TMEM117: variants seen among roughly 807,000 people sequenced by gnomAD.
TMEM117 encodes transmembrane protein 117.
In TMEM117, 27 loss-of-function variants were observed where a neutral mutation model predicts 52.4. The ratio of observed to expected loss-of-function variants is 0.51; its 90% CI spans 0.38 to 0.71. TMEM117 has a LOEUF of 0.71. Ranked by LOEUF, TMEM117 falls within the 30% of genes least tolerant of loss-of-function variation. The pLI is 0.00. For synonymous variants in TMEM117, 215 were observed against 206.3 expected (o/e 1.04, Z -0.36); for missense variants, 556 against 630.5 (o/e 0.88, Z 1.26).
the TMEM117 span, among the ~76,000 whole-genome samples, chr12:43,806,992 A>G: frequency 1.3e-5 from 2 of 152,238 alleles, no homozygotes; most frequent in African/African-American, 4.8e-5. Context: ...TTTATTATTT[A>G]ATCCAGTAAT....
intron 5 of TMEM117, among the ~76,000 whole-genome samples, chr12:44,239,366 C>G (rs1182926632): frequency 6.6e-6 from 1 of 152,136 alleles, no homozygotes; most frequent in Non-Finnish European, 1.5e-5. Context: ...CAAGCTACAA[C>G]TGTACCTGTG....
At chr12:43,954,714 C>G (rs1456422104) in intron 3 of TMEM117, among the ~76,000 whole-genome samples, 2 of 152,172 alleles carry the variant, frequency 1.3e-5, no homozygotes, top group Admixed American at 6.5e-5. Context: ...CAAAGAGGAG[C>G]TGGTACCATT....
intron 6 of TMEM117, among the ~76,000 whole-genome samples, chr12:44,338,088 G>A (rs1193088512): frequency 6.6e-6 from 1 of 151,568 alleles, no homozygotes; most frequent in African/African-American, 2.4e-5. Context: ...TATTTTTAAA[G>A]GTTCATTAAA....
chr12:44,259,302 A>G (rs996929385), intron 5 of TMEM117, among the ~76,000 whole-genome samples: 11 of 152,136 alleles, frequency 7.2e-5, no homozygotes, highest in African/African-American at 2.7e-4. Flanking sequence ...ATACTCTATG[A>G]TGTGGTTATT....
the TMEM117 span, among the ~76,000 whole-genome samples, chr12:43,822,937 A>G: frequency 6.6e-6 from 1 of 152,120 alleles, no homozygotes; most frequent in African/African-American, 2.4e-5. Context: ...TGAAATTTGA[A>G]AACCTTTTTC....
intron 6 of TMEM117, among the ~76,000 whole-genome samples, chr12:44,372,326 T>C (rs1287986154): frequency 6.6e-6 from 1 of 152,172 alleles, no homozygotes; most frequent in East Asian, 1.9e-4. Context: ...GTTCAAAATA[T>C]ATATTTTACA....
At chr12:44,186,394 T>G (rs1949278800) in intron 4 of TMEM117, among the ~76,000 whole-genome samples, 1 of 152,174 alleles carries the variant, frequency 6.6e-6, no homozygotes, top group Non-Finnish European at 1.5e-5. Context: ...ATTCTACAAC[T>G]TGTTTGTTTA....
intron 5 of TMEM117, among the ~76,000 whole-genome samples, chr12:44,255,656 G>A (rs141153116): frequency 6.6e-5 from 10 of 152,020 alleles, no homozygotes; most frequent in Non-Finnish European, 1.2e-4. Context: ...GACATGGTAG[G>A]ATCACAATTT....
chr12:44,098,992 G>A (rs758632111), intron 3 of TMEM117, among the ~76,000 whole-genome samples: 2 of 152,044 alleles, frequency 1.3e-5, no homozygotes, highest in Admixed American at 6.6e-5. Flanking sequence ...TCTTTCAACT[G>A]TTCAGGGGAT....
intron 2 of TMEM117, among the ~76,000 whole-genome samples, chr12:43,857,875 G>A (rs2137389759): frequency 6.6e-6 from 1 of 152,304 alleles, no homozygotes; most frequent in African/African-American, 2.4e-5. Flanking sequence ...AGAGATCTGT[G>A]CCCAAAGGAT....
At chr12:43,879,608 G>T (rs1943860936) in intron 2 of TMEM117, among the ~76,000 whole-genome samples, 1 of 152,196 alleles carries the variant, frequency 6.6e-6, no homozygotes, top group South Asian at 2.1e-4. Flanking sequence ...TCCATAGTTT[G>T]ATTCTAAACC....
At chr12:43,860,997 C>T (rs1312027915) in intron 2 of TMEM117, among the ~76,000 whole-genome samples, 2 of 152,046 alleles carry the variant, frequency 1.3e-5, no homozygotes, top group Non-Finnish European at 2.9e-5. Context: ...ATGGGGCTGT[C>T]CACCTCACCT....
chr12:44,291,495 T>A (rs1476465580), intron 5 of TMEM117, among the ~76,000 whole-genome samples: 1 of 151,944 alleles, frequency 6.6e-6, no homozygotes, highest in Non-Finnish European at 1.5e-5. Flanking sequence ...TATTTCATTT[T>A]CTTGCCTAAT....
chr12:44,230,595 G>T (rs1949919684), intron 5 of TMEM117, among the ~76,000 whole-genome samples: 1 of 151,870 alleles, frequency 6.6e-6, no homozygotes, highest in Non-Finnish European at 1.5e-5. Flanking sequence ...CTTAGTAAAG[G>T]CTCTTCTGTT....
At chr12:44,377,122 C>A (rs1249760270) in intron 7 of TMEM117, among the ~76,000 whole-genome samples, 2 of 152,150 alleles carry the variant, frequency 1.3e-5, no homozygotes, top group African/African-American at 4.8e-5. Flanking sequence ...CTTAGCTGAG[C>A]AGCCACTTCT....
At chr12:44,035,251 T>C (rs577409533) in intron 3 of TMEM117, among the ~76,000 whole-genome samples, 1 of 152,362 alleles carries the variant, frequency 6.6e-6, no homozygotes, top group South Asian at 2.1e-4. Context: ...TGAAACAACC[T>C]TGTAGACATT....
chr12:44,044,505 A>G (rs186710009), intron 3 of TMEM117, among the ~76,000 whole-genome samples: 16 of 152,160 alleles, frequency 1.1e-4, no homozygotes, highest in Admixed American at 5.9e-4. Flanking sequence ...GAAGTGGTAT[A>G]TACGTGATAG....
rs1383897463 is a variant in TMEM117 at position 43,908,310 on chromosome 12, A to C, written c.278-35900A>C. On this transcript the variant is annotated intron_variant, in intron 2 of 7. Transcript: ENST00000266534. ...CAAGCAAATGCTGAGAGATTTTGTC[A>C]CCATCAGGCCTGCCCTAAAAGAGCT... 2.7e-4 allele frequency among the ~76,000 whole-genome samples: 19 copies of C among 69,914 alleles called. 3 individuals carry two copies. Among genetic ancestry groups the C allele is most frequent in the African/African-American group, 5.7e-4 (19 of 33,376 alleles). The allele number at this position is 69,914 out of a possible 152,430, so 45.9% of individuals were successfully genotyped here.
In TMEM117 at chr12:44,245,067, T is replaced by C. The variant is rs562609418; in HGVS notation, c.608+33680T>C. Among the ~76,000 whole-genome samples the C allele has an allele frequency of 3.5e-4, 54 of 152,200 alleles. 1 individual carries two copies. The highest frequency in any genetic ancestry group is 4.3e-4 in the Non-Finnish European group (29 of 67,928). ...GGTTGGTGTGTCTATTTTATGTTAG[T>C]ATCATGCTATTTTGATTATTATAAC... On this transcript the variant is annotated intron_variant, in intron 5 of 7. Transcript: ENST00000266534.
Sources: gnomAD v4.1 joint callset for allele counts (sites outside exome capture counted in the v4.1 genomes callset) on GRCh38, gnomAD v4.1.1 for gene constraint, MANE v1.5 for transcripts, NCBI Gene and HGNC (gene_info 2026-07-23, HGNC 2026-07-21) for gene names.